Variants in EEIG2 observed in about 807,000 individuals in gnomAD.
EEIG2 encodes the protein family with sequence similarity 102 member B.
the EEIG2 span, among the ~76,000 whole-genome samples, chr1:108,591,754 T>C: frequency 6.6e-6 from 1 of 152,002 alleles, no homozygotes; most frequent in East Asian, 1.9e-4. Flanking sequence ...GGACACCGAG[T>C]TGCAGAGAGA....
At chr1:108,612,801 TAAATG>T in the EEIG2 span, among the ~76,000 whole-genome samples, 3 of 152,216 alleles carry the variant, frequency 2.0e-5, no homozygotes, top group Non-Finnish European at 4.4e-5. Context: ...ATTGTAGTAT[TAAATG>T]AGATTAATTG....
chr1:108,596,816 A>G, the EEIG2 span, among the ~76,000 whole-genome samples: 1 of 151,374 alleles, frequency 6.6e-6, no homozygotes, highest in Admixed American at 6.6e-5. Context: ...ATGGCTCACT[A>G]CAGCCTTGAA....
the EEIG2 span, among the ~76,000 whole-genome samples, chr1:108,601,115 A>G: frequency 4.6e-5 from 7 of 152,176 alleles, no homozygotes; most frequent in African/African-American, 1.7e-4. Context: ...TACATAGTTA[A>G]TAAATGGCAA....
the EEIG2 span, among the ~76,000 whole-genome samples, chr1:108,589,289 T>C: frequency 6.6e-6 from 1 of 152,198 alleles, no homozygotes; most frequent in East Asian, 1.9e-4. Flanking sequence ...CATGCTTAAG[T>C]CTCTTCTTAC....
At chr1:108,637,949 A>C in the EEIG2 span, 1 of 152,674 alleles carries the variant, frequency 6.5e-6, no homozygotes, top group East Asian at 1.9e-4. Context: ...CCAACAGCTA[A>C]TGTGGATTAG....
the EEIG2 span, chr1:108,560,580 G>A: frequency 1.9e-6 from 3 of 1,605,902 alleles, no homozygotes; most frequent in South Asian, 3.3e-5. Context: ...CTCGCCTCCC[G>A]CGCCGCCTCG....
the EEIG2 span, among the ~76,000 whole-genome samples, chr1:108,593,731 G>A: frequency 1.3e-5 from 2 of 152,146 alleles, no homozygotes; most frequent in African/African-American, 2.4e-5. Flanking sequence ...TACTAGGTGG[G>A]TTCACCAGTT....
the EEIG2 span, chr1:108,612,295 G>A: frequency 6.3e-7 from 1 of 1,579,226 alleles, no homozygotes; most frequent in Non-Finnish European, 8.7e-7. Flanking sequence ...CATTCTTAAA[G>A]TAAGCACGTT....
the EEIG2 span, among the ~76,000 whole-genome samples, chr1:108,579,768 T>TGAGAGAGAGA: frequency 0.01 from 145 of 14,374 alleles, no homozygotes; most frequent in Admixed American, 0.037. Flanking sequence ...TGTGTGTGTG[T>TGAGAGAGAGA]GTGTGAGAGA....
At chr1:108,621,744 C>T in the EEIG2 span, among the ~76,000 whole-genome samples, 1 of 151,856 alleles carries the variant, frequency 6.6e-6, no homozygotes, top group Admixed American at 6.6e-5. Context: ...AGTCAGCCAT[C>T]AGTGATTAAT....
At chr1:108,617,229 G>A in the EEIG2 span, among the ~76,000 whole-genome samples, 23 of 152,296 alleles carry the variant, frequency 1.5e-4, no homozygotes, top group African/African-American at 5.3e-4. Context: ...CACACTCTGA[G>A]TGAGATAGAA....
At chr1:108,580,834 G>A in the EEIG2 span, among the ~76,000 whole-genome samples, 427 of 152,254 alleles carry the variant, frequency 2.8e-3, 4 homozygotes, top group African/African-American at 9.8e-3. Flanking sequence ...AAGGTGAAGC[G>A]GCAAGTGCTA....
the EEIG2 span, chr1:108,600,698 G>C: frequency 1.9e-6 from 3 of 1,595,100 alleles, no homozygotes; most frequent in Non-Finnish European, 2.6e-6. Context: ...TATAAAAATA[G>C]CCTATTACTT....
chr1:108,563,263 G>T, the EEIG2 span, among the ~76,000 whole-genome samples: 13 of 152,308 alleles, frequency 8.5e-5, no homozygotes, highest in East Asian at 2.5e-3. Context: ...TTTGGTTCTT[G>T]CTAGGCAGCC....
the EEIG2 span, among the ~76,000 whole-genome samples, chr1:108,575,411 G>C: frequency 6.6e-6 from 1 of 152,104 alleles, no homozygotes. Context: ...ACAGAAAAGG[G>C]AAACAGTTAC....
At chr1:108,582,789 T>C in the EEIG2 span, among the ~76,000 whole-genome samples, 1 of 152,128 alleles carries the variant, frequency 6.6e-6, no homozygotes, top group Non-Finnish European at 1.5e-5. Context: ...AGAAACAGAC[T>C]TGATAAGCGC....
chr1:108,574,462 T>G, the EEIG2 span, among the ~76,000 whole-genome samples: 1 of 152,168 alleles, frequency 6.6e-6, no homozygotes, highest in Admixed American at 6.5e-5. Flanking sequence ...TAAAAATGGT[T>G]AAGATGGGCC....
the EEIG2 span, among the ~76,000 whole-genome samples, chr1:108,610,068 T>A: frequency 5.9e-5 from 9 of 152,002 alleles, no homozygotes; most frequent in Non-Finnish European, 1.2e-4. Context: ...AAATCAAAAT[T>A]TAAAAAACTC....
chr1:108,618,630 C>T, the EEIG2 span, among the ~76,000 whole-genome samples: 3 of 152,002 alleles, frequency 2.0e-5, no homozygotes, highest in South Asian at 2.1e-4. Flanking sequence ...CGGTGGCTCA[C>T]GCCTGTAATC....
Sources: allele counts gnomAD v4.1 joint callset (sites outside exome capture counted in the v4.1 genomes callset), GRCh38; gene constraint gnomAD v4.1.1; transcripts MANE v1.5; gene names NCBI Gene and HGNC (gene_info 2026-07-23, HGNC 2026-07-21).